CDH13: variants seen among roughly 807,000 people sequenced by gnomAD.
CDH13 encodes the protein cadherin-13.
In CDH13, 24 loss-of-function variants were observed where a neutral mutation model predicts 63.8. The ratio of observed to expected loss-of-function variants is 0.38; its 90% CI spans 0.27 to 0.53. The LOEUF is 0.53. Ranked by LOEUF, CDH13 falls within the 20% of genes least tolerant of loss-of-function variation. The probability of loss-of-function intolerance (pLI) is 0.85; values close to 1 mark genes in which losing one functional copy is unlikely to be tolerated. For missense variants in CDH13, 1,049 were observed against 903.1 expected (o/e 1.16, Z -2.07); for synonymous variants, 503 against 355.3 (o/e 1.42, Z -4.67).
At chr16:83,779,280 G>T (rs564574218) in intron 11 of CDH13, among the ~76,000 whole-genome samples, 46 of 151,770 alleles carry the variant, frequency 3.0e-4, no homozygotes, top group African/African-American at 1.1e-3. Context: ...GATGGCAGGT[G>T]CCTGTAGTCC....
chr16:82,918,150 A>G (rs1236919595), intron 2 of CDH13, among the ~76,000 whole-genome samples: 1 of 152,144 alleles, frequency 6.6e-6, no homozygotes, highest in African/African-American at 2.4e-5. Context: ...GGTGCCGGGT[A>G]CCTCCTTTCT....
At chr16:83,477,002 G>A (rs2073623365) in intron 6 of CDH13, among the ~76,000 whole-genome samples, 1 of 152,166 alleles carries the variant, frequency 6.6e-6, no homozygotes, top group Non-Finnish European at 1.5e-5. Context: ...CTGGATAAAA[G>A]GAAGAAATTA....
chr16:83,564,710 G>C (rs980415607), intron 7 of CDH13, among the ~76,000 whole-genome samples: 1 of 152,096 alleles, frequency 6.6e-6, no homozygotes, highest in African/African-American at 2.4e-5. Context: ...CACCCAGCAG[G>C]GATGAATCTT....
At chr16:83,719,289 C>A (rs538040831) in intron 10 of CDH13, among the ~76,000 whole-genome samples, 15 of 152,294 alleles carry the variant, frequency 9.8e-5, no homozygotes, top group African/African-American at 3.4e-4. Flanking sequence ...GGGACCACTG[C>A]GTACCAGACC....
intron 4 of CDH13, among the ~76,000 whole-genome samples, chr16:83,177,161 G>A (rs1338569788): frequency 2.6e-5 from 4 of 152,128 alleles, no homozygotes; most frequent in African/African-American, 9.7e-5. Flanking sequence ...GTGGCTAGTG[G>A]CTAACATTTT....
intron 5 of CDH13, among the ~76,000 whole-genome samples, chr16:83,218,468 G>A (rs2039603354): frequency 6.6e-6 from 1 of 152,136 alleles, no homozygotes; most frequent in South Asian, 2.1e-4. Flanking sequence ...ATACTCAAGG[G>A]GGAATCAGGT....
chr16:83,692,230 C>A (rs1264939109), intron 10 of CDH13, among the ~76,000 whole-genome samples: 3 of 152,220 alleles, frequency 2.0e-5, no homozygotes, highest in African/African-American at 7.2e-5. Flanking sequence ...TTTATGACAG[C>A]TTTCATTGCT....
chr16:82,683,935 C>T (rs193153145), intron 1 of CDH13, among the ~76,000 whole-genome samples: 2 of 152,314 alleles, frequency 1.3e-5, no homozygotes, highest in Non-Finnish European at 2.9e-5. Context: ...CTAATAAAAA[C>T]ATGACACATT....
intron 7 of CDH13, among the ~76,000 whole-genome samples, chr16:83,578,956 T>G (rs1423392877): frequency 6.6e-6 from 1 of 152,248 alleles, no homozygotes; most frequent in Non-Finnish European, 1.5e-5. Flanking sequence ...GGAGTCAATC[T>G]TTGAACACTT....
At chr16:82,769,933 G>T (rs907146696) in intron 1 of CDH13, among the ~76,000 whole-genome samples, 1 of 152,232 alleles carries the variant, frequency 6.6e-6, no homozygotes, top group Admixed American at 6.5e-5. Context: ...AATGCATGGT[G>T]CATACGGCAC....
At chr16:83,370,311 C>T (rs763418411) in intron 6 of CDH13, among the ~76,000 whole-genome samples, 2 of 151,300 alleles carry the variant, frequency 1.3e-5, no homozygotes, top group Non-Finnish European at 2.9e-5. Flanking sequence ...TGGTGTGAAC[C>T]CGGGAGGTGG....
At chr16:83,705,586 C>A (rs908370105) in intron 10 of CDH13, among the ~76,000 whole-genome samples, 1 of 152,172 alleles carries the variant, frequency 6.6e-6, no homozygotes, top group Non-Finnish European at 1.5e-5. Flanking sequence ...CACGCCACTG[C>A]ACTCCAGCGT....
At chr16:82,999,451 T>TAC (rs1491054443) in intron 2 of CDH13, among the ~76,000 whole-genome samples, 2 of 122,678 alleles carry the variant, frequency 1.6e-5, no homozygotes, top group African/African-American at 6.8e-5. Flanking sequence ...AACACATGTT[T>TAC]ATATATATAG....
At chr16:83,661,498 A>C (rs1313046419) in intron 8 of CDH13, among the ~76,000 whole-genome samples, 2 of 152,098 alleles carry the variant, frequency 1.3e-5, no homozygotes, top group East Asian at 3.9e-4. Context: ...AAAAAAAAAA[A>C]AATCTTGTTC....
Position 83,217,393 on chromosome 16 carries a change from A to G in CDH13, c.532A>G (p.Lys178Glu). ...AAGGTCCAAGTTCCGGCTCACTGGA[A>G]AGGGAGTGGATCAAGAGCCTAAAGG... The part of the protein sequence containing the change: ...PERSKFRLTG[K>E]GVDQEPKGIF... Residue 178 changes from lysine to glutamate, a missense_variant, in exon 5 of 14, where the codon AAG becomes GAG. By Grantham distance (56) the Lys-to-Glu change is moderately conservative (BLOSUM62 1). Coordinates refer to ENST00000567109, the MANE Select transcript of CDH13 (RefSeq NM_001257.5). The G allele has an allele frequency of 6.2e-7, 1 of 1,613,902 alleles. No individual in the cohort carries two copies. Among genetic ancestry groups the G allele is most frequent in the Non-Finnish European group, 8.5e-7 (1 of 1,179,820 alleles).
At chr16:83,203,283 C>G (rs1332901934) in intron 4 of CDH13, among the ~76,000 whole-genome samples, 2 of 152,142 alleles carry the variant, frequency 1.3e-5, no homozygotes, top group South Asian at 2.1e-4. Context: ...ACTATGTTCA[C>G]TATCTGTGTG....
chr16:82,900,681 G>A lies in CDH13; in HGVS notation c.157+42208G>A, dbSNP rs146663398. Among the ~76,000 whole-genome samples the A allele has an allele frequency of 2.8e-3, 419 of 152,332 alleles. 2 individuals are homozygous for A. Among genetic ancestry groups the A allele is most frequent in the African/African-American group, 9.6e-3 (398 of 41,586 alleles). On this transcript the variant is annotated intron_variant, in intron 2 of 13. Transcript: ENST00000567109. ...GATGAACCAACGTCCCCGAGGAGAC[G>A]GGAGGGATGAAATCAAGAGTATAGG...
At chr16:83,499,562 C>T (rs757306397) in intron 7 of CDH13, among the ~76,000 whole-genome samples, 2 of 152,176 alleles carry the variant, frequency 1.3e-5, no homozygotes, top group Non-Finnish European at 2.9e-5. Context: ...GTTAATGCTC[C>T]CTGAGAATTC....
intron 2 of CDH13, among the ~76,000 whole-genome samples, chr16:82,930,360 C>T (rs912371990): frequency 6.6e-6 from 1 of 152,184 alleles, no homozygotes; most frequent in South Asian, 2.1e-4. Flanking sequence ...TGTAATAGAT[C>T]AACAGCTAAC....
Sources: gnomAD v4.1 joint callset for allele counts (sites outside exome capture counted in the v4.1 genomes callset) on GRCh38, gnomAD v4.1.1 for gene constraint, MANE v1.5 for transcripts, NCBI Gene and HGNC (gene_info 2026-07-23, HGNC 2026-07-21) for gene names.